Variants in DNAJC5 observed in about 807,000 individuals in gnomAD.
DNAJC5 encodes the protein DnaJ heat shock protein family (Hsp40) member C5.
In DNAJC5, 1 loss-of-function variant was observed where a neutral mutation model predicts 23.2. That is an observed-to-expected ratio of 0.04 (90% CI 0.02 to 0.20). The LOEUF is 0.20. Among genes scored for constraint, DNAJC5 ranks in the 10% least tolerant of loss-of-function variants. The pLI is 1.00. For synonymous variants in DNAJC5, 136 were observed against 120.0 expected, an observed-to-expected ratio of 1.13 and a Z score of -0.87; for missense variants, 180 against 267.0, an observed-to-expected ratio of 0.67 and a Z score of 2.27.
rs2053693145 is a variant in DNAJC5 at position 63,933,628 on chromosome 20, C to A, written c.*2060C>A. On this transcript the variant is annotated 3_prime_UTR_variant, in exon 5 of 5. Transcript: ENST00000360864. ...GAGACAGTGGGGTGCCTCCGTGCCG[C>A]TTCGTGCAGCAGCAAGTTCAGCCTG... The A allele has an allele frequency of 1.3e-5, 2 of 152,394 alleles. No homozygotes were observed. Among genetic ancestry groups the A allele is most frequent in the Admixed American group, 6.5e-5 (1 of 15,288 alleles). The allele number at this position is 152,394 out of a possible 1,614,324, so 9.4% of individuals were successfully genotyped here.
chr20:63,914,317 A>C (rs1034698506), intron 1 of DNAJC5, among the ~76,000 whole-genome samples: 4 of 152,132 alleles, frequency 2.6e-5, no homozygotes, highest in African/African-American at 9.7e-5. Flanking sequence ...AATGCCAAAG[A>C]ATTTTTAGCT....
At chr20:63,930,708 TCTTTC>T (rs2053661723) in intron 3 of DNAJC5, 138 bp from the exon 4 acceptor site, 1 of 1,344,758 alleles carries the variant, frequency 7.4e-7, no homozygotes. Flanking sequence ...CTTCTTCAGT[TCTTTC>T]CTTCTGCTTC....
chr20:63,912,129 C>T (rs1030221374), intron 1 of DNAJC5, among the ~76,000 whole-genome samples: 1 of 152,002 alleles, frequency 6.6e-6, no homozygotes, highest in Non-Finnish European at 1.5e-5. Flanking sequence ...ATAGCAAAAC[C>T]TCATCTCTGC....
chr20:63,927,016 C>T (rs2053621788), intron 1 of DNAJC5, among the ~76,000 whole-genome samples: 1 of 152,238 alleles, frequency 6.6e-6, no homozygotes, highest in Admixed American at 6.5e-5. Flanking sequence ...AGAGTATCTT[C>T]CTCCTGGGTT....
At chr20:63,899,490 A>C (rs2053395367) in intron 1 of DNAJC5, among the ~76,000 whole-genome samples, 1 of 152,274 alleles carries the variant, frequency 6.6e-6, no homozygotes, top group Non-Finnish European at 1.5e-5. Context: ...TAATAGATAC[A>C]GGTCATTAGA....
Position 63,902,954 on chromosome 20 carries a change from G to A in DNAJC5, c.-12+7631G>A, listed in dbSNP as rs575596798. 4.3e-4 allele frequency among the ~76,000 whole-genome samples: 66 copies of A among 152,220 alleles called. 1 individual carries two copies. In the South Asian group the frequency reaches 0.013, roughly 29 times the overall value. Reference sequence around the variant, plus strand: ...GGCCTCCCAAAGTGCTGGGATTAGAGGCGTGAGCCACCGCGCCCTGCCACA... The same window carrying A: ...GGCCTCCCAAAGTGCTGGGATTAGAAGCGTGAGCCACCGCGCCCTGCCACA... On this transcript the variant is annotated intron_variant, in intron 1 of 4. Coordinates refer to ENST00000360864, the MANE Select transcript of DNAJC5 (RefSeq NM_025219.3).
At chr20:63,900,999 C>G (rs1600858907) in intron 1 of DNAJC5, among the ~76,000 whole-genome samples, 4 of 152,354 alleles carry the variant, frequency 2.6e-5, no homozygotes, top group Non-Finnish European at 2.9e-5. Flanking sequence ...GAGTCTCGCT[C>G]TGTCATCCAG....
In DNAJC5 at chr20:63,928,876, A is replaced by G. The variant is rs1786508596; in HGVS notation, c.107+424A>G. 6.6e-6 allele frequency among the ~76,000 whole-genome samples: 1 copy of G among 152,164 alleles called. No homozygotes were observed. Among genetic ancestry groups the G allele is most frequent in the African/African-American group, 2.4e-5 (1 of 41,442 alleles). On this transcript the variant is annotated intron_variant, in intron 2 of 4. Coordinates refer to ENST00000360864, the MANE Select transcript of DNAJC5 (RefSeq NM_025219.3). The surrounding 1 kb of genome is among the most constrained non-coding windows in gnomAD (Gnocchi z 4.6). ...GGTACAGTTTCATTGAGTAACCTGTAAGAGACACCATCACTAATCCAGACA... is the reference window on the plus strand; with the variant it reads ...GGTACAGTTTCATTGAGTAACCTGTGAGAGACACCATCACTAATCCAGACA...
In DNAJC5 at chr20:63,931,859, A is replaced by C; in HGVS notation, c.*291A>C. ...GGACATTCCGCGGCATGACCGCGTGAACTGCACGGTGGAGCTGCCTCAGGG... is the reference window on the plus strand; with the variant it reads ...GGACATTCCGCGGCATGACCGCGTGCACTGCACGGTGGAGCTGCCTCAGGG... On this transcript the variant is annotated 3_prime_UTR_variant, in exon 5 of 5. Transcript: ENST00000360864. The surrounding 1 kb of genome is among the most constrained non-coding windows in gnomAD (Gnocchi z 9.6). The C allele has an allele frequency of 2.2e-6, 1 of 454,422 alleles. No homozygotes were observed. The highest frequency in any genetic ancestry group is 4.5e-5 in the East Asian group (1 of 22,374). The allele number at this position is 454,422 out of a possible 1,614,324, so 28.1% of individuals were successfully genotyped here.
At position 63,895,155 on chromosome 20, in the gene DNAJC5, C is replaced by T; in HGVS notation, c.-180C>T. The T allele has an allele frequency of 6.5e-6, 1 of 154,018 alleles. No individual in the cohort carries two copies. The highest frequency in any genetic ancestry group is 1.8e-4 in the South Asian group (1 of 5,706). The allele number at this position is 154,018 out of a possible 1,614,324, so 9.5% of individuals were successfully genotyped here. A position where few individuals can be genotyped will look rare whatever the true frequency, so the allele number is the denominator to read the frequency against. On this transcript the variant is annotated 5_prime_UTR_variant, in exon 1 of 5. Coordinates refer to ENST00000360864, the MANE Select transcript of DNAJC5 (RefSeq NM_025219.3). ...GCGTGAGCGTGCTCGTCTCCGCTGCCGCTGCCGCTGCCGCTGCCGGTGCCG... is the reference window on the plus strand; with the variant it reads ...GCGTGAGCGTGCTCGTCTCCGCTGCTGCTGCCGCTGCCGCTGCCGGTGCCG...
At chr20:63,913,659 C>G (rs1353299868) in intron 1 of DNAJC5, among the ~76,000 whole-genome samples, 1 of 152,006 alleles carries the variant, frequency 6.6e-6, no homozygotes, top group Admixed American at 6.6e-5. Flanking sequence ...CTGCAACCTC[C>G]ACCTCCTGGG....
At chr20:63,918,588 T>C (rs2053533497) in intron 1 of DNAJC5, among the ~76,000 whole-genome samples, 1 of 152,212 alleles carries the variant, frequency 6.6e-6, no homozygotes, top group South Asian at 2.1e-4. Context: ...AATTTATATG[T>C]TCCATATATT....
Position 63,931,141 on chromosome 20 carries a change from G to C in DNAJC5, c.493+119G>C. On this transcript the variant is annotated intron_variant, in intron 4 of 4. Coordinates refer to ENST00000360864, the MANE Select transcript of DNAJC5 (RefSeq NM_025219.3). The surrounding 1 kb of genome is among the most constrained non-coding windows in gnomAD (Gnocchi z 9.6). ...CTGACACTGTGCCGCGAGTGTTTGT[G>C]GTGGCAGCTGGGACTGTTGAGGTGT... The C allele has an allele frequency of 8.9e-7, 1 of 1,124,202 alleles. No individual in the cohort carries two copies. Among genetic ancestry groups the C allele is most frequent in the Middle Eastern group, 1.9e-4 (1 of 5,212 alleles). The allele number at this position is 1,124,202 out of a possible 1,614,324, so 69.6% of individuals were successfully genotyped here. A position where few individuals can be genotyped will look rare whatever the true frequency, so the allele number is the denominator to read the frequency against.
intron 1 of DNAJC5, among the ~76,000 whole-genome samples, chr20:63,899,738 C>T (rs150629571): frequency 0.03 from 4,574 of 152,016 alleles, 159 homozygotes; most frequent in East Asian, 0.16. Context: ...GTCGCCACCA[C>T]GCCAGGCTAA....
chr20:63,913,729 T>A (rs565205816), intron 1 of DNAJC5, among the ~76,000 whole-genome samples: 2 of 152,152 alleles, frequency 1.3e-5, no homozygotes, highest in East Asian at 3.9e-4. Flanking sequence ...TGCGGGCACC[T>A]ACGACCACGC....
At chr20:63,919,735 G>A (rs2053550954) in intron 1 of DNAJC5, 2 of 434,504 alleles carry the variant, frequency 4.6e-6, no homozygotes, top group South Asian at 3.0e-5. Flanking sequence ...ACAGCGCCAC[G>A]GAAGAGGACG....
chr20:63,927,775 T>C (rs2053628724), intron 1 of DNAJC5, among the ~76,000 whole-genome samples: 1 of 152,246 alleles, frequency 6.6e-6, no homozygotes, highest in Admixed American at 6.5e-5. Context: ...TGAATTTAAT[T>C]GTTGATATGT....
rs1353700467 is a variant in DNAJC5 at position 63,933,110 on chromosome 20, A to AG, written c.*1544dup. 1 of 152,332 alleles carries AG rather than the reference A, an allele frequency of 6.6e-6. No homozygotes were observed. The highest frequency in any genetic ancestry group is 2.4e-5 in the African/African-American group (1 of 41,442). 9.4% of individuals were successfully genotyped at this position (152,332 alleles called of 1,614,324 possible). Reference sequence around the variant, plus strand: ...CATGGTGGCCGCTGCAGAGTTGCAGAGGTCCCTGTAGAGATAAAGCTGAGG... The same window carrying AG: ...CATGGTGGCCGCTGCAGAGTTGCAGAGGGTCCCTGTAGAGATAAAGCTGAGG... On this transcript the variant is annotated 3_prime_UTR_variant, in exon 5 of 5. Coordinates refer to ENST00000360864, the MANE Select transcript of DNAJC5 (RefSeq NM_025219.3).
chr20:63,904,793 G>A (rs1305998194), intron 1 of DNAJC5, among the ~76,000 whole-genome samples: 2 of 151,250 alleles, frequency 1.3e-5, no homozygotes, highest in Non-Finnish European at 2.9e-5. Flanking sequence ...AAACTGTGGG[G>A]GTTTTTTTGT....
Sources: gnomAD v4.1 joint callset for allele counts (sites outside exome capture counted in the v4.1 genomes callset) on GRCh38, gnomAD v4.1.1 for gene constraint, Gnocchi (gnomAD v3.1) non-coding constraint, MANE v1.5 for transcripts, NCBI Gene and HGNC (gene_info 2026-07-23, HGNC 2026-07-21) for gene names.